The following PTPRD variants were observed in gnomAD, a reference collection of about 807,000 sequenced individuals.
The protein encoded by PTPRD is receptor-type tyrosine-protein phosphatase delta.
In PTPRD, 34 loss-of-function variants were observed where a neutral mutation model predicts 214.5. The ratio of observed to expected loss-of-function variants is 0.16; its 90% confidence interval spans 0.12 to 0.21. The LOEUF (loss-of-function observed/expected upper bound fraction) is 0.21. PTPRD is among the 10% of genes least tolerant of loss of function. The pLI is 1.00. For synonymous variants in PTPRD, 1,128 were observed against 845.7 expected, an observed-to-expected ratio of 1.33 and a Z score of -5.79; for missense variants, 2,545 against 2,398.7, an observed-to-expected ratio of 1.06 and a Z score of -1.27.
chr9:8,406,003 C>G (rs1500336), intron 35 of PTPRD, among the ~76,000 whole-genome samples: 3 of 152,184 alleles, frequency 2.0e-5, no homozygotes, highest in Non-Finnish European at 4.4e-5. Flanking sequence ...CTCAGCAGTA[C>G]AGATTCCAGC....
intron 7 of PTPRD, among the ~76,000 whole-genome samples, chr9:9,646,761 C>A (rs150750528): frequency 6.6e-6 from 1 of 152,070 alleles, no homozygotes; most frequent in Admixed American, 6.6e-5. Context: ...CCTATACATG[C>A]ATATCTATAA....
intron 2 of PTPRD, among the ~76,000 whole-genome samples, chr9:10,464,639 C>G (rs1208122109): frequency 6.6e-6 from 1 of 151,876 alleles, no homozygotes; most frequent in Non-Finnish European, 1.5e-5. Flanking sequence ...AATAGAAATG[C>G]ATAAAGGTCC....
At chr9:10,338,671 C>G (rs557288964) in intron 3 of PTPRD, among the ~76,000 whole-genome samples, 12 of 151,692 alleles carry the variant, frequency 7.9e-5, no homozygotes, top group Non-Finnish European at 5.9e-5. Context: ...ATAGGTCCTA[C>G]GTCAAAGTGC....
chr9:10,229,547 T>C lies in PTPRD; in HGVS notation c.-545+111416A>G, dbSNP rs534339824. On this transcript the variant is annotated intron_variant, in intron 3 of 45. Coordinates refer to ENST00000381196, the MANE Select transcript of PTPRD (RefSeq NM_002839.4). ...ACAAAAAATGATGAGTTCATGTCCT[T>C]TGTAGGGACATGGATGAAGCTGGAA... 6.6e-5 allele frequency among the ~76,000 whole-genome samples: 10 copies of C among 152,166 alleles called. No homozygotes were observed. The South Asian group carries it at 1.9e-3, about 28-fold the overall frequency.
At chr9:9,076,338 G>C (rs1375510578) in intron 10 of PTPRD, among the ~76,000 whole-genome samples, 1 of 152,086 alleles carries the variant, frequency 6.6e-6, no homozygotes, top group East Asian at 1.9e-4. Flanking sequence ...CCGTTCTGTA[G>C]GTTGCCTGTC....
chr9:9,577,262 C>T (rs573663255), intron 7 of PTPRD, among the ~76,000 whole-genome samples: 4 of 152,120 alleles, frequency 2.6e-5, no homozygotes, highest in Non-Finnish European at 5.9e-5. Flanking sequence ...GGCAAATATA[C>T]ATTTAAAAAG....
At chr9:10,279,606 C>A (rs1544056) in intron 3 of PTPRD, among the ~76,000 whole-genome samples, 54,600 of 151,682 alleles carry the variant, frequency 0.36, 12,606 homozygotes, top group African/African-American at 0.63. Context: ...GCTACTTTCA[C>A]GTGTCTACTC....
intron 14 of PTPRD, among the ~76,000 whole-genome samples, chr9:8,626,810 A>G (rs990460965): frequency 3.3e-5 from 5 of 151,264 alleles, no homozygotes; most frequent in Non-Finnish European, 7.4e-5. Context: ...CTGCACATCA[A>G]CTCTCCTGGG....
intron 5 of PTPRD, among the ~76,000 whole-genome samples, chr9:9,916,635 G>T (rs143522375): frequency 2.0e-3 from 299 of 151,958 alleles, no homozygotes; most frequent in African/African-American, 6.6e-3. Flanking sequence ...AAGATGTTCT[G>T]TGCAAACAGA....
rs1587135291 is a variant in PTPRD, at chr9:8,314,655, A to C, written c.*3219T>G. ...ACCCAAAAAGAAAAACAAAAAGGGA[A>C]TTAAAAATAAAAGGACTTAAAGCAA... is the stretch of plus-strand genomic sequence containing the variant. On this transcript the variant is annotated 3_prime_UTR_variant, in exon 46 of 46. Coordinates refer to ENST00000381196, the MANE Select transcript of PTPRD (RefSeq NM_002839.4). 4.3e-6 allele frequency: 1 copy of C among 232,120 alleles called. No individual in the cohort carries two copies. Among genetic ancestry groups the C allele is most frequent in the South Asian group, 1.8e-4 (1 of 5,520 alleles). 14.4% of individuals were successfully genotyped at this position (232,120 alleles called of 1,614,324 possible). A position where few individuals can be genotyped will look rare whatever the true frequency, so the allele number is the denominator to read the frequency against.
chr9:9,436,790 G>C (rs1588388094), intron 8 of PTPRD, among the ~76,000 whole-genome samples: 1 of 151,896 alleles, frequency 6.6e-6, no homozygotes, highest in Admixed American at 6.6e-5. Context: ...TTTCAGTCAA[G>C]CAAATCTGTA....
At chr9:8,736,172 T>C (rs1478431446) in intron 11 of PTPRD, among the ~76,000 whole-genome samples, 4 of 152,174 alleles carry the variant, frequency 2.6e-5, no homozygotes, top group African/African-American at 9.7e-5. Context: ...ATGGTGGTAC[T>C]GGTGGGAATT....
chr9:10,547,008 C>CT (rs1232669571), intron 2 of PTPRD, among the ~76,000 whole-genome samples: 1 of 152,018 alleles, frequency 6.6e-6, no homozygotes, highest in Non-Finnish European at 1.5e-5. Flanking sequence ...AGGTCATCTG[C>CT]TGTAGGGTTC....
At chr9:10,406,712 G>C (rs1042077863) in intron 2 of PTPRD, among the ~76,000 whole-genome samples, 1 of 151,540 alleles carries the variant, frequency 6.6e-6, no homozygotes, top group African/African-American at 2.4e-5. Flanking sequence ...TTCTCTAAAG[G>C]TGGTTTCAAT....
At chr9:9,526,862 G>A (rs1449345816) in intron 8 of PTPRD, among the ~76,000 whole-genome samples, 1 of 152,050 alleles carries the variant, frequency 6.6e-6, no homozygotes, top group Non-Finnish European at 1.5e-5. Context: ...TATACCTGTA[G>A]TTTTCACTAT....
At chr9:9,094,205 G>A (rs545480144) in intron 10 of PTPRD, among the ~76,000 whole-genome samples, 5 of 152,074 alleles carry the variant, frequency 3.3e-5, no homozygotes, top group African/African-American at 4.8e-5. Context: ...AAGTCATTAC[G>A]TGAGAAAGAC....
intron 11 of PTPRD, among the ~76,000 whole-genome samples, chr9:8,881,052 C>A (rs888655648): frequency 1.3e-5 from 2 of 152,174 alleles, no homozygotes; most frequent in African/African-American, 2.4e-5. Context: ...TAGGTGTGAG[C>A]CACCGTACCT....
intron 11 of PTPRD, among the ~76,000 whole-genome samples, chr9:8,819,454 G>C (rs1836227): frequency 0.51 from 76,806 of 151,894 alleles, 19,804 homozygotes; most frequent in African/African-American, 0.59. Context: ...CCTGAGGTCA[G>C]GATTCAAGAT....
chr9:10,344,060 T>C (rs546914652), intron 2 of PTPRD, among the ~76,000 whole-genome samples: 1 of 150,184 alleles, frequency 6.7e-6, no homozygotes, highest in South Asian at 2.1e-4. Flanking sequence ...ATTTTGGCTT[T>C]TGTTGCCATT....
Sources: allele counts gnomAD v4.1 joint callset (sites outside exome capture counted in the v4.1 genomes callset), GRCh38; gene constraint gnomAD v4.1.1; transcripts MANE v1.5; gene names NCBI Gene and HGNC (gene_info 2026-07-23, HGNC 2026-07-21).